Variants in FHIT observed in about 807,000 individuals in gnomAD.
The protein encoded by FHIT is bis(5'-adenosyl)-triphosphatase.
Under a neutral mutation model 17.9 loss-of-function variants are expected in FHIT, and 19 were observed. The ratio of observed to expected loss-of-function variants is 1.06; its 90% confidence interval spans 0.74 to 1.56. The LOEUF is 1.56. Ranked by LOEUF, FHIT falls within the 40% of genes most tolerant of loss-of-function variation. The pLI is 0.00. For missense variants in FHIT, 248 were observed against 189.2 expected, an observed-to-expected ratio of 1.31 and a Z score of -1.82; for synonymous variants, 81 against 69.7, an observed-to-expected ratio of 1.16 and a Z score of -0.81.
At chr3:61,125,675 C>A (rs1316636535) in intron 2 of FHIT, among the ~76,000 whole-genome samples, 9 of 152,110 alleles carry the variant, frequency 5.9e-5, no homozygotes, top group Non-Finnish European at 1.3e-4. Context: ...AACAATGAAA[C>A]AATTAGGTTT....
intron 4 of FHIT, among the ~76,000 whole-genome samples, chr3:60,684,669 C>T (rs532363107): frequency 2.6e-5 from 4 of 152,116 alleles, no homozygotes; most frequent in East Asian, 3.9e-4. Context: ...AATTCCATTG[C>T]GCATCCGTGA....
chr3:60,347,555 G>A (rs1285623148), intron 5 of FHIT, among the ~76,000 whole-genome samples: 1 of 151,334 alleles, frequency 6.6e-6, no homozygotes, highest in African/African-American at 2.4e-5. Flanking sequence ...AGATGCAAAC[G>A]CCTGTAGGTA....
intron 5 of FHIT, among the ~76,000 whole-genome samples, chr3:60,248,845 A>G (rs1705539182): frequency 6.6e-6 from 1 of 152,138 alleles, no homozygotes; most frequent in Non-Finnish European, 1.5e-5. Context: ...TAAAACCCCA[A>G]TACAGAAGAT....
At position 59,748,227 on chromosome 3, in the gene FHIT, T is replaced by C. The variant is rs1489131181; in HGVS notation, c.*1358A>G. The stretch of plus-strand genomic sequence containing the variant: ...TGAAATATAAAGTTTAAGATATATA[T>C]ACTAAAATTCAAAAAGTGAATCAAG... On this transcript the variant is annotated 3_prime_UTR_variant, in exon 10 of 10. Coordinates refer to ENST00000492590, the MANE Select transcript of FHIT (RefSeq NM_002012.4). Among the ~76,000 whole-genome samples, 1 of 152,182 alleles carries C rather than the reference T, an allele frequency of 6.6e-6. No individual in the cohort carries two copies. The highest frequency in any genetic ancestry group is 1.5e-5 in the Non-Finnish European group (1 of 68,022).
intron 5 of FHIT, among the ~76,000 whole-genome samples, chr3:60,089,034 G>C (rs1241599827): frequency 6.6e-6 from 1 of 152,182 alleles, no homozygotes; most frequent in Non-Finnish European, 1.5e-5. Flanking sequence ...TACAGAAATG[G>C]AGGACCCCAA....
At chr3:60,957,264 A>C (rs1709213001) in intron 3 of FHIT, among the ~76,000 whole-genome samples, 1 of 131,366 alleles carries the variant, frequency 7.6e-6, no homozygotes, top group Admixed American at 8.1e-5. Flanking sequence ...TTGAGACAGA[A>C]TCTCACTTTG....
chr3:60,815,703 T>C (rs1040279849), intron 4 of FHIT, among the ~76,000 whole-genome samples: 3 of 152,180 alleles, frequency 2.0e-5, no homozygotes, highest in Non-Finnish European at 4.4e-5. Flanking sequence ...AAGTTTGCTT[T>C]GGCTATTCAG....
At chr3:60,680,307 G>A (rs1374217748) in intron 4 of FHIT, among the ~76,000 whole-genome samples, 1 of 152,124 alleles carries the variant, frequency 6.6e-6, no homozygotes, top group Non-Finnish European at 1.5e-5. Context: ...TACTTTTGCA[G>A]TTGTACATTC....
intron 5 of FHIT, among the ~76,000 whole-genome samples, chr3:60,172,070 T>C (rs925714072): frequency 1.4e-4 from 21 of 152,078 alleles, no homozygotes; most frequent in Admixed American, 5.2e-4. Context: ...TCCAGATTAG[T>C]AGGGGAGACA....
At chr3:60,593,978 C>T (rs934623411) in intron 4 of FHIT, among the ~76,000 whole-genome samples, 1 of 152,034 alleles carries the variant, frequency 6.6e-6, no homozygotes, top group Non-Finnish European at 1.5e-5. Context: ...AATGCTCTAT[C>T]GACTTCTCAT....
intron 3 of FHIT, among the ~76,000 whole-genome samples, chr3:60,851,905 G>T (rs553134044): frequency 2.6e-5 from 4 of 151,850 alleles, no homozygotes; most frequent in African/African-American, 9.7e-5. Flanking sequence ...CCTGAAAAAA[G>T]AAAAAAAGCA....
chr3:60,084,281 C>A (rs2630148), intron 5 of FHIT, among the ~76,000 whole-genome samples: 95,540 of 151,984 alleles, frequency 0.63, 31,386 homozygotes, highest in African/African-American at 0.8. Flanking sequence ...TTGTAAGTTA[C>A]AACAATAAAA....
intron 9 of FHIT, chr3:59,750,572 AT>A: frequency 4.4e-6 from 1 of 227,094 alleles, no homozygotes. Context: ...AGCCTCTGTT[AT>A]AGCACTTGCC....
chr3:61,079,835 T>C (rs2035081390), intron 2 of FHIT, among the ~76,000 whole-genome samples: 1 of 152,190 alleles, frequency 6.6e-6, no homozygotes, highest in Non-Finnish European at 1.5e-5. Flanking sequence ...ACCATACTCA[T>C]ATGAACAAAC....
intron 4 of FHIT, among the ~76,000 whole-genome samples, chr3:60,809,213 T>C (rs1701494382): frequency 6.6e-6 from 1 of 152,186 alleles, no homozygotes; most frequent in Non-Finnish European, 1.5e-5. Context: ...AATATGACAT[T>C]GTTCAGATTG....
At chr3:60,858,000 G>A (rs1377040093) in intron 3 of FHIT, among the ~76,000 whole-genome samples, 5 of 152,198 alleles carry the variant, frequency 3.3e-5, no homozygotes, top group African/African-American at 1.2e-4. Flanking sequence ...TACTATGGGT[G>A]TTATTGTTTT....
chr3:60,092,772 G>A (rs1703785086), intron 5 of FHIT, among the ~76,000 whole-genome samples: 1 of 152,168 alleles, frequency 6.6e-6, no homozygotes, highest in African/African-American at 2.4e-5. Flanking sequence ...GACATTCACT[G>A]TGAGCAAAAG....
intron 4 of FHIT, among the ~76,000 whole-genome samples, chr3:60,620,943 C>A (rs1431393136): frequency 3.3e-5 from 5 of 151,912 alleles, no homozygotes; most frequent in African/African-American, 4.8e-5. Context: ...TTTCTGTAAA[C>A]CTAAAATTGT....
chr3:60,877,077 C>G (rs574381927), intron 3 of FHIT, among the ~76,000 whole-genome samples: 11 of 152,310 alleles, frequency 7.2e-5, no homozygotes, highest in African/African-American at 2.6e-4. Context: ...GGCACTAAGT[C>G]CAGCTGAGGG....
Sources: allele counts gnomAD v4.1 joint callset (sites outside exome capture counted in the v4.1 genomes callset), GRCh38; gene constraint gnomAD v4.1.1; transcripts MANE v1.5; gene names NCBI Gene and HGNC (gene_info 2026-07-23, HGNC 2026-07-21).